Variants in SLC18A2 observed in about 807,000 individuals in gnomAD.
The protein encoded by SLC18A2 is solute carrier family 18 member A2, also known as synaptic vesicular amine transporter.
In SLC18A2, 33 loss-of-function variants were observed where a neutral mutation model predicts 59.2. The observed-to-expected ratio is 0.56, with a 90% CI of 0.42 to 0.75. The LOEUF (loss-of-function observed/expected upper bound fraction) is 0.75, where lower values mean the gene tolerates loss of function less well. Ranked by LOEUF, SLC18A2 falls within the 30% of genes least tolerant of loss-of-function variation. The probability of loss-of-function intolerance (pLI) is 0.00; values close to 1 mark genes in which losing one functional copy is unlikely to be tolerated. For synonymous variants in SLC18A2, 228 were observed against 253.5 expected (o/e 0.90, Z 0.95); for missense variants, 569 against 668.6 (o/e 0.85, Z 1.64).
chr10:117,244,677 A>T (rs1329975015), intron 3 of SLC18A2, among the ~76,000 whole-genome samples: 1 of 152,182 alleles, frequency 6.6e-6, no homozygotes, highest in Non-Finnish European at 1.5e-5. Flanking sequence ...CTATTTTATG[A>T]GCCATGTGGC....
chr10:117,272,400 G>A (rs931257789), intron 15 of SLC18A2, among the ~76,000 whole-genome samples: 6 of 152,294 alleles, frequency 3.9e-5, no homozygotes, highest in African/African-American at 7.2e-5. Flanking sequence ...GTTTGTGAAC[G>A]GCAGCCTGAT....
Position 117,241,679 on chromosome 10 carries a change from C to T in SLC18A2, c.-15C>T. 1 of 1,567,556 alleles carries T rather than the reference C, an allele frequency of 6.4e-7. No homozygotes were observed. The highest frequency in any genetic ancestry group is 8.6e-7 in the Non-Finnish European group (1 of 1,159,124). On this transcript the variant is annotated splice_region_variant and 5_prime_UTR_variant, in exon 2 of 16. Coordinates refer to ENST00000644641, the MANE Select transcript of SLC18A2 (RefSeq NM_003054.6). The stretch of plus-strand genomic sequence containing the variant: ...TCCTCACCGCGCACCGCGCCCGCAG[C>T]GGAGCCCCGGAGCCATGGCCCTGAG...
At position 117,257,906 on chromosome 10, in the gene SLC18A2, TG is replaced by T. The variant is rs760167086; in HGVS notation, c.991+17del. The stretch of plus-strand genomic sequence containing the variant: ...AGTGGCAGCTGGGTAAGGACTGGGG[TG>T]GGCTCTTCTGATTCAAGAGCATTTG... On this transcript the variant is annotated intron_variant, in intron 10 of 15. Coordinates refer to ENST00000644641, the MANE Select transcript of SLC18A2 (RefSeq NM_003054.6). 2 of 1,569,224 alleles carry T rather than the reference TG, an allele frequency of 1.3e-6. No homozygotes were observed. Among genetic ancestry groups the T allele is most frequent in the South Asian group, 2.3e-5 (2 of 87,766 alleles).
rs1197179701 is a variant in SLC18A2 at position 117,267,041 on chromosome 10, T to C, written c.1122+6T>C. 1.2e-6 allele frequency: 2 copies of C among 1,610,078 alleles called. No homozygotes were observed. The highest frequency in any genetic ancestry group is 2.2e-5 in the East Asian group (1 of 44,848). On this transcript the variant is annotated splice_donor_region_variant and intron_variant, in intron 12 of 15. Transcript: ENST00000644641. The stretch of plus-strand genomic sequence containing the variant: ...TTGGAGTCAGCATTTTATGTGTGAG[T>C]AAAAGATGGCATTTGACAAGTGGGA...
chr10:117,270,767 G>T (rs1378752770), intron 15 of SLC18A2, among the ~76,000 whole-genome samples: 1 of 152,200 alleles, frequency 6.6e-6, no homozygotes, highest in East Asian at 1.9e-4. Flanking sequence ...TATGGTTCTT[G>T]AAAATCTTGG....
intron 12 of SLC18A2, chr10:117,267,322 C>T: frequency 2.2e-6 from 1 of 457,948 alleles, no homozygotes; most frequent in East Asian, 3.5e-5. Flanking sequence ...GGACAACCAA[C>T]CTGAAACAAT....
chr10:117,257,921 C>T (rs1844248681), intron 10 of SLC18A2, 29 bp downstream of exon 10: 11 of 1,501,990 alleles, frequency 7.3e-6, no homozygotes, highest in Non-Finnish European at 1.0e-5. Context: ...TCTTCTGATT[C>T]AAGAGCATTT....
rs967517420 is a variant in SLC18A2, at chr10:117,279,234, T to A, written c.*1968T>A. 2.0e-5 allele frequency: 3 copies of A among 152,256 alleles called. No individual in the cohort carries two copies. Among genetic ancestry groups the A allele is most frequent in the East Asian group, 1.9e-4 (1 of 5,202 alleles). 9.4% of individuals were successfully genotyped at this position (152,256 alleles called of 1,614,324 possible). On this transcript the variant is annotated 3_prime_UTR_variant, in exon 16 of 16. Coordinates refer to ENST00000644641, the MANE Select transcript of SLC18A2 (RefSeq NM_003054.6). ...GCAAGACTGGAAAGAGGTGTTTTTT[T>A]AAAATGTACATACCAGAACAAAGAA...
intron 2 of SLC18A2, among the ~76,000 whole-genome samples, chr10:117,243,659 C>G (rs768625065): frequency 1.3e-5 from 2 of 152,174 alleles, no homozygotes; most frequent in Non-Finnish European, 2.9e-5. Flanking sequence ...AATCTTTGCT[C>G]ACTGCAACTT....
At chr10:117,261,086 G>A (rs1003808159) in intron 10 of SLC18A2, among the ~76,000 whole-genome samples, 4 of 152,084 alleles carry the variant, frequency 2.6e-5, no homozygotes, top group East Asian at 1.9e-4. Context: ...AGGCTGGGCC[G>A]GTGGCTTATG....
At position 117,270,000 on chromosome 10, in the gene SLC18A2, A is replaced by G. The variant is rs1844406474; in HGVS notation, c.1187-71A>G. The G allele has an allele frequency of 1.9e-6, 3 of 1,582,940 alleles. No homozygotes were observed. The highest frequency in any genetic ancestry group is 2.7e-5 in the African/African-American group (2 of 74,276). Reference sequence around the variant, plus strand: ...TGGCAGGGTGGTGAGTTTAAGACACACTCCCTGATATTCGGCCCATTTTGG... The same window carrying G: ...TGGCAGGGTGGTGAGTTTAAGACACGCTCCCTGATATTCGGCCCATTTTGG... On this transcript the variant is annotated intron_variant, in intron 13 of 15. Transcript: ENST00000644641. This position sits in a 1 kb window ranked among gnomAD's most constrained non-coding sequence, Gnocchi z 5.1.
At chr10:117,255,047 C>A (rs561306796) in intron 6 of SLC18A2, among the ~76,000 whole-genome samples, 2 of 152,358 alleles carry the variant, frequency 1.3e-5, no homozygotes, top group Admixed American at 1.3e-4. Context: ...TTCTCTCGGG[C>A]CTTTGCTTTC....
intron 10 of SLC18A2, among the ~76,000 whole-genome samples, chr10:117,263,905 CT>C (rs144279205): frequency 0.04 from 6,080 of 152,256 alleles, 133 homozygotes; most frequent in East Asian, 0.066. Context: ...CCTTCTGTGG[CT>C]CTGGGGTGCG....
chr10:117,243,267 A>G (rs1844074877), intron 2 of SLC18A2, among the ~76,000 whole-genome samples: 1 of 152,186 alleles, frequency 6.6e-6, no homozygotes, highest in South Asian at 2.1e-4. Flanking sequence ...TCTTAGAAGC[A>G]CTGGTTGACT....
chr10:117,253,409 C>A lies in SLC18A2; in HGVS notation c.475C>A (p.Pro159Thr). 2 of 1,613,574 alleles carry A rather than the reference C, an allele frequency of 1.2e-6. No homozygotes were observed. Among genetic ancestry groups the A allele is most frequent in the South Asian group, 1.1e-5 (1 of 91,068 alleles). ...IGLLTNRIGYPIPIFAGFCIM... is the reference protein window; with the variant it reads ...IGLLTNRIGYTIPIFAGFCIM... ...GTTTGTGTTTTGCAGAATTGGCTAT[C>A]CAATTCCCATATTTGCGGGATTCTG... Residue 159 changes from proline (P) to threonine (T), a missense_variant, in exon 4 of 16, where the codon CCA (proline) becomes ACA (threonine). Transcript: ENST00000644641.
chr10:117,252,164 AG>A (rs1844170292), intron 3 of SLC18A2, among the ~76,000 whole-genome samples: 1 of 45,970 alleles, frequency 2.2e-5, no homozygotes, highest in African/African-American at 9.3e-5. Context: ...TTTTTTTTTT[AG>A]TACAGACAGG....
At chr10:117,274,995 G>A (rs917993017) in intron 15 of SLC18A2, among the ~76,000 whole-genome samples, 1 of 152,066 alleles carries the variant, frequency 6.6e-6, no homozygotes, top group Non-Finnish European at 1.5e-5. Context: ...ATGAGGACAG[G>A]GCCCTCAAAT....
intron 10 of SLC18A2, among the ~76,000 whole-genome samples, chr10:117,259,311 A>C (rs1844266191): frequency 6.6e-6 from 1 of 152,206 alleles, no homozygotes; most frequent in African/African-American, 2.4e-5. Context: ...CAAAGATGAA[A>C]AATTCTCCAA....
rs1410182310 is a variant in SLC18A2, at chr10:117,254,417, T to C, written c.620T>C (p.Leu207Pro). ...TTTCCCTGTGTAGGGATGGGCATGC[T>C]TGCCAGTGTCTACACAGATGATGAA... The part of the protein sequence containing the change: ...SCSSVAGMGM[L>P]ASVYTDDEER... The change falls in exon 6 of 16, where the codon CTT (leucine) becomes CCT (proline). Residue 207 changes from leucine (L) to proline (P), a missense_variant. Leu to Pro is a moderately conservative substitution (Grantham distance 98). This residue lies in a region of SLC18A2 where 377 missense variants were observed against 389.8 expected (regional missense o/e 0.97). Transcript: ENST00000644641. The C allele has an allele frequency of 1.3e-6, 2 of 1,594,482 alleles. No homozygotes were observed. The highest frequency in any genetic ancestry group is 1.7e-6 in the Non-Finnish European group (2 of 1,169,564).
Sources: gnomAD v4.1 joint callset for allele counts (sites outside exome capture counted in the v4.1 genomes callset) on GRCh38, gnomAD v4.1.1 for gene constraint, gnomAD v4.1.1 regional missense constraint, Gnocchi (gnomAD v3.1) non-coding constraint, MANE v1.5 for transcripts, NCBI Gene and HGNC (gene_info 2026-07-23, HGNC 2026-07-21) for gene names.